The following IL1RAPL2 variants were observed in gnomAD, a reference collection of about 807,000 sequenced individuals.
IL1RAPL2 encodes interleukin 1 receptor accessory protein like 2.
In IL1RAPL2, 3 loss-of-function variants were observed where a neutral mutation model predicts 44.1. The ratio of observed to expected loss-of-function variants is 0.07; its 90% CI spans 0.03 to 0.18. IL1RAPL2 has a LOEUF of 0.18. Ranked by LOEUF, IL1RAPL2 falls within the 10% of genes least tolerant of loss-of-function variation. The probability of loss-of-function intolerance (pLI) is 1.00; values close to 1 mark genes in which losing one functional copy is unlikely to be tolerated. For synonymous variants in IL1RAPL2, 181 were observed against 178.8 expected, an observed-to-expected ratio of 1.01 and a Z score of -0.10; for missense variants, 391 against 496.4, an observed-to-expected ratio of 0.79 and a Z score of 2.02.
intron 6 of IL1RAPL2, among the ~76,000 whole-genome samples, chrX:105,659,959 T>C (rs2037707981): frequency 9.0e-6 from 1 of 110,995 alleles, no homozygotes; most frequent in East Asian, 2.8e-4. Context: ...GGGTAGAAAG[T>C]TTATTCAAAG....
At chrX:105,723,362 C>T (rs780480444) in intron 7 of IL1RAPL2, among the ~76,000 whole-genome samples, 1 of 111,455 alleles carries the variant, frequency 9.0e-6, no homozygotes, top group Admixed American at 9.6e-5. Context: ...CTTAAGTAAT[C>T]GCTGAGAAGA....
At chrX:105,243,565 G>GTATATATATATATATATATA (rs1225123301) in intron 4 of IL1RAPL2, among the ~76,000 whole-genome samples, 3 of 78,647 alleles carry the variant, frequency 3.8e-5, no homozygotes, top group African/African-American at 2.6e-4. Context: ...ATATATATGT[G>GTATATATATATATATATATA]TGTATATATA....
At chrX:104,761,576 T>C (rs1157198189) in intron 2 of IL1RAPL2, among the ~76,000 whole-genome samples, 1 of 111,252 alleles carries the variant, frequency 9.0e-6, no homozygotes, top group Non-Finnish European at 1.9e-5. Flanking sequence ...TCTTAACTCA[T>C]TCCAGGATTA....
intron 6 of IL1RAPL2, among the ~76,000 whole-genome samples, chrX:105,508,661 AT>A (rs1268149214): frequency 2.1e-5 from 2 of 93,390 alleles, no homozygotes; most frequent in South Asian, 3.9e-4. Context: ...GAAAAAAAAA[AT>A]GAAAGCTTTT....
At chrX:104,633,940 T>A (rs1256006385) in intron 1 of IL1RAPL2, among the ~76,000 whole-genome samples, 12 of 111,307 alleles carry the variant, frequency 1.1e-4, no homozygotes, top group Non-Finnish European at 2.3e-4. Flanking sequence ...GATGTTAGGG[T>A]GTCAATTTTG....
intron 2 of IL1RAPL2, among the ~76,000 whole-genome samples, chrX:104,941,526 C>T (rs150109494): frequency 0.057 from 6,326 of 111,309 alleles, 466 homozygotes; most frequent in African/African-American, 0.2. Context: ...TCATGCCCTT[C>T]GCCCACTTTT....
chrX:105,568,864 C>T (rs921947052), intron 6 of IL1RAPL2, among the ~76,000 whole-genome samples: 1 of 111,619 alleles, frequency 9.0e-6, no homozygotes, highest in Admixed American at 9.5e-5. Flanking sequence ...TAGTTGCAAC[C>T]TTTCTTGAAT....
intron 2 of IL1RAPL2, among the ~76,000 whole-genome samples, chrX:104,979,149 C>T (rs1436487414): frequency 1.8e-5 from 2 of 111,320 alleles, no homozygotes; most frequent in Non-Finnish European, 3.8e-5. Flanking sequence ...GTCAAAGCAA[C>T]AGTTTTTTCA....
chrX:105,534,784 A>T (rs2036665857), intron 6 of IL1RAPL2, among the ~76,000 whole-genome samples: 1 of 112,280 alleles, frequency 8.9e-6, no homozygotes, highest in Non-Finnish European at 1.9e-5. Context: ...GCCTTGGGAC[A>T]GTTGGACATC....
intron 2 of IL1RAPL2, among the ~76,000 whole-genome samples, chrX:105,099,271 G>A (rs1602953813): frequency 9.1e-6 from 1 of 110,386 alleles, no homozygotes; most frequent in African/African-American, 3.3e-5. Flanking sequence ...CTGAGGCTGG[G>A]TAATTTACAA....
chrX:105,139,517 G>T (rs1003102980), intron 2 of IL1RAPL2, among the ~76,000 whole-genome samples: 5 of 111,664 alleles, frequency 4.5e-5, no homozygotes, highest in African/African-American at 1.6e-4. Context: ...CTAAACAATA[G>T]AAATTTATTT....
intron 1 of IL1RAPL2, among the ~76,000 whole-genome samples, chrX:104,616,344 C>G (rs1393568658): frequency 8.9e-6 from 1 of 112,173 alleles, no homozygotes; most frequent in Non-Finnish European, 1.9e-5. Flanking sequence ...TCCAAGCTGT[C>G]CTTGTTCATT....
At chrX:104,890,176 A>G (rs1437239981) in intron 2 of IL1RAPL2, among the ~76,000 whole-genome samples, 1 of 111,667 alleles carries the variant, frequency 9.0e-6, no homozygotes, top group African/African-American at 3.3e-5. Flanking sequence ...TATGTCCCAC[A>G]TTTTCTTAAT....
chrX:104,808,125 C>G (rs1278790832), intron 2 of IL1RAPL2, among the ~76,000 whole-genome samples: 1 of 112,332 alleles, frequency 8.9e-6, no homozygotes, highest in African/African-American at 3.2e-5. Flanking sequence ...TAACATCTCA[C>G]TCTGCAAGCA....
chrX:104,703,192 A>C (rs1351216885), intron 2 of IL1RAPL2, among the ~76,000 whole-genome samples: 1 of 111,282 alleles, frequency 9.0e-6, no homozygotes, highest in Admixed American at 9.6e-5. Flanking sequence ...TTGCTCTCTT[A>C]AGACTAGTTT....
chrX:105,312,867 A>C (rs1335844032), intron 5 of IL1RAPL2, among the ~76,000 whole-genome samples: 1 of 111,858 alleles, frequency 8.9e-6, no homozygotes, highest in East Asian at 2.8e-4. Flanking sequence ...CAATTTAAAA[A>C]AATGAAACAC....
intron 2 of IL1RAPL2, among the ~76,000 whole-genome samples, chrX:105,031,896 A>G (rs1221175941): frequency 9.0e-6 from 1 of 111,545 alleles, no homozygotes; most frequent in Non-Finnish European, 1.9e-5. Context: ...TATTGCCACA[A>G]TTTCGGAGCC....
chrX:105,219,197 G>A (rs1253770472), intron 3 of IL1RAPL2: 15 of 1,211,029 alleles, frequency 1.2e-5, no homozygotes, highest in Non-Finnish European at 1.5e-5. Flanking sequence ...CAGTCGGAAG[G>A]CAGCTGAGGC....
At chrX:105,765,162 G>C (rs2038719591) in intron 10 of IL1RAPL2, 1 of 111,902 alleles carries the variant, frequency 8.9e-6, no homozygotes, top group African/African-American at 3.2e-5. Context: ...ATGCATGATA[G>C]TTTATTTTAC....
Sources: gnomAD v4.1 joint callset for allele counts (sites outside exome capture counted in the v4.1 genomes callset) on GRCh38, gnomAD v4.1.1 for gene constraint, MANE v1.5 for transcripts, NCBI Gene and HGNC (gene_info 2026-07-23, HGNC 2026-07-21) for gene names.